The following ZIC4 variants were observed in gnomAD, a reference collection of about 807,000 sequenced individuals.
ZIC4 encodes Zic family zinc finger 4.
Under a neutral mutation model 28.8 loss-of-function variants are expected in ZIC4, and 15 were observed. The ratio of observed to expected loss-of-function variants is 0.52; its 90% confidence interval spans 0.35 to 0.80. The LOEUF is 0.80. ZIC4 is among the 30% of genes least tolerant of loss of function. The pLI is 0.01. For synonymous variants in ZIC4, 220 were observed against 198.1 expected (o/e 1.11, Z -0.93); for missense variants, 512 against 467.1 (o/e 1.10, Z -0.89).
chr3:147,403,512 A>T (rs1439860146), intron 1 of ZIC4: 2 of 156,094 alleles, frequency 1.3e-5, no homozygotes, highest in African/African-American at 4.8e-5. Flanking sequence ...AGATATACAC[A>T]TTACTCATCA....
At chr3:147,402,666 AAAAG>A in intron 2 of ZIC4, 58 bp downstream of exon 2, 20 of 1,466,016 alleles carry the variant, frequency 1.4e-5, no homozygotes, top group East Asian at 4.6e-5. Context: ...TTAAAAAAAA[AAAAG>A]AAGAAGAAGA....
At position 147,396,541 on chromosome 3, in the gene ZIC4, G is replaced by A; in HGVS notation, c.71-72C>T. ...GCGCGCTCTTCCCTGGGCCCCGGGG[G>A]GCAGGCCCAGCCCTGCCGCACTACG... On this transcript the variant is annotated intron_variant, in intron 2 of 4. Coordinates refer to ENST00000383075, the MANE Select transcript of ZIC4 (RefSeq NM_032153.6). This position sits in a 1 kb window ranked among gnomAD's most constrained non-coding sequence, Gnocchi z 4.2. The A allele has an allele frequency of 2.0e-6, 3 of 1,470,860 alleles. No individual in the cohort carries two copies. 91.1% of individuals were successfully genotyped at this position (1,470,860 alleles called of 1,614,324 possible).
rs75011808 is a variant in ZIC4 at position 147,395,964 on chromosome 3, T to A, written c.576A>T (p.Val192=). 2.7e-5 allele frequency: 43 copies of A among 1,614,246 alleles called. No homozygotes were observed. The East Asian group carries it at 9.4e-4, about 35-fold the overall frequency. Residue 192 remains valine, a synonymous_variant, in exon 3 of 5, where the codon GTA becomes GTT. Transcript: ENST00000383075. The part of the protein sequence containing the change: ...GKPFKAKYKL[V]NHIRVHTGEK... ...CGCCCGTGTGCACGCGGATGTGATT[T>A]ACAAGTTTGTATTTGGCTTTGAAGG... is the stretch of plus-strand genomic sequence containing the variant.
chr3:147,386,433 T>A lies in ZIC4; in HGVS notation c.*2426A>T, dbSNP rs1183210282. The stretch of plus-strand genomic sequence containing the variant: ...TGCAATTATTACATTTTCTCATAAA[T>A]TAGCAATATAAACAAACATATGGAG... On this transcript the variant is annotated 3_prime_UTR_variant, in exon 5 of 5. Transcript: ENST00000383075. 6.6e-6 allele frequency: 1 copy of A among 152,664 alleles called. No individual in the cohort carries two copies. Among genetic ancestry groups the A allele is most frequent in the Non-Finnish European group, 1.5e-5 (1 of 68,048 alleles). The allele number at this position is 152,664 out of a possible 1,614,324, so 9.5% of individuals were successfully genotyped here. A position where few individuals can be genotyped will look rare whatever the true frequency, so the allele number is the denominator to read the frequency against.
intron 3 of ZIC4, among the ~76,000 whole-genome samples, chr3:147,393,170 C>G (rs1013818922): frequency 6.0e-5 from 9 of 149,966 alleles, no homozygotes; most frequent in African/African-American, 2.2e-4. Context: ...AAACGCTTAT[C>G]CGATCTCGTG....
At chr3:147,405,884 C>T (rs551492245) in intron 1 of ZIC4, 4 of 219,068 alleles carry the variant, frequency 1.8e-5, no homozygotes, top group East Asian at 2.8e-4. Flanking sequence ...CCTAGCCACC[C>T]CCTTGGGGGC....
chr3:147,405,412 C>T lies in ZIC4; in HGVS notation c.-16+951G>A, dbSNP rs574018216. On this transcript the variant is annotated intron_variant, in intron 1 of 4. Coordinates refer to ENST00000383075, the MANE Select transcript of ZIC4 (RefSeq NM_032153.6). The stretch of plus-strand genomic sequence containing the variant: ...GGAGTTTCCTGAAGACGGTGACGGC[C>T]GAAGTGCAACCCTCCAAAAGCCCCT... 1,125 of 1,537,142 alleles carry T rather than the reference C, an allele frequency of 7.3e-4. 22 individuals are homozygous for T. The South Asian group carries it at 0.013, about 18-fold the overall frequency.
At position 147,396,131 on chromosome 3, in the gene ZIC4, C is replaced by G; in HGVS notation, c.409G>C (p.Gly137Arg). The change falls in exon 3 of 5, where the codon GGC (glycine) becomes CGC (arginine). Residue 137 changes from glycine to arginine, a missense_variant. Gly to Arg is a moderately radical substitution (Grantham distance 125, BLOSUM62 -2). Coordinates refer to ENST00000383075, the MANE Select transcript of ZIC4 (RefSeq NM_032153.6). The surrounding 1 kb of genome is among the most constrained non-coding windows in gnomAD (Gnocchi z 4.2). The stretch of plus-strand genomic sequence containing the variant: ...GAGCAGAGGCTCGGGGTCGCGGTGC[C>G]GTCGGCCGCCAGCCACTTGCAGATG... ...ELICKWLAAD[G>R]TATPSLCSKT... 1.2e-6 allele frequency: 2 copies of G among 1,613,004 alleles called. No individual in the cohort carries two copies. Among genetic ancestry groups the G allele is most frequent in the Non-Finnish European group, 1.7e-6 (2 of 1,179,870 alleles).
rs2086812832 is a variant in ZIC4 at position 147,387,235 on chromosome 3, C to T, written c.*1624G>A. 6.6e-6 allele frequency: 1 copy of T among 152,516 alleles called. No homozygotes were observed. Among genetic ancestry groups the T allele is most frequent in the Non-Finnish European group, 1.5e-5 (1 of 68,054 alleles). 9.4% of individuals were successfully genotyped at this position (152,516 alleles called of 1,614,324 possible). A position where few individuals can be genotyped will look rare whatever the true frequency, so the allele number is the denominator to read the frequency against. On this transcript the variant is annotated 3_prime_UTR_variant, in exon 5 of 5. Transcript: ENST00000383075. ...GTCTAGGCATTGCTTTTGTTTATCC[C>T]TTAGCAAGACTTAGACCTAAAGTTA...
At chr3:147,388,939 A>T in intron 4 of ZIC4, 80 bp from the exon 5 acceptor site, 1 of 760,334 alleles carries the variant, frequency 1.3e-6, no homozygotes, top group South Asian at 1.4e-5. Context: ...TTAGATTGAG[A>T]TAGAAAGCAA....
rs2087071985 is a variant in ZIC4, at chr3:147,397,355, G to A, written c.71-886C>T. Reference sequence around the variant, plus strand: ...CTCTCTCTCTCTCTCACACTTCCCTGCTCCAACCGCCACCCCCTCACACAC... The same window carrying A: ...CTCTCTCTCTCTCTCACACTTCCCTACTCCAACCGCCACCCCCTCACACAC... On this transcript the variant is annotated intron_variant, in intron 2 of 4. Transcript: ENST00000383075. Among the ~76,000 whole-genome samples the A allele has an allele frequency of 2.0e-5, 3 of 151,664 alleles. No homozygotes were observed. In the South Asian group the frequency reaches 6.3e-4, roughly 32 times the overall value.
At chr3:147,391,368 C>T (rs1466104533) in intron 3 of ZIC4, 122 bp from the exon 4 acceptor site, 1 of 1,294,186 alleles carries the variant, frequency 7.7e-7, no homozygotes, top group Admixed American at 2.9e-5. Context: ...TCAGAAATCC[C>T]TTTCCACGGC....
chr3:147,405,572 G>T, intron 1 of ZIC4: 2 of 1,276,220 alleles, frequency 1.6e-6, no homozygotes, highest in Non-Finnish European at 2.2e-6. Context: ...AATGCCCCTG[G>T]GTCTAGGCTA....
intron 2 of ZIC4, among the ~76,000 whole-genome samples, chr3:147,402,337 G>A (rs1027008067): frequency 8.5e-5 from 13 of 152,150 alleles, no homozygotes; most frequent in African/African-American, 2.4e-5. Context: ...TTTCATGGAA[G>A]CCAATACATG....
In ZIC4 at chr3:147,391,437, A is replaced by G. The variant is rs1048208574; in HGVS notation, c.689-191T>C. 113 of 643,248 alleles carry G rather than the reference A, an allele frequency of 1.8e-4. 1 individual carries two copies. The South Asian group carries it at 2.4e-3, about 14-fold the overall frequency. 39.8% of individuals were successfully genotyped at this position (643,248 alleles called of 1,614,324 possible). ...AGAGCGCCCCCGGTGCCCTCTCTTGAACGCCTCCATCCCTCCCGCCTTCCT... is the reference window on the plus strand; with the variant it reads ...AGAGCGCCCCCGGTGCCCTCTCTTGGACGCCTCCATCCCTCCCGCCTTCCT... On this transcript the variant is annotated intron_variant, in intron 3 of 4. Transcript: ENST00000383075.
chr3:147,397,143 C>G (rs1425151868), intron 2 of ZIC4: 1 of 152,138 alleles, frequency 6.6e-6, no homozygotes, highest in Non-Finnish European at 1.5e-5. Context: ...CGCCCACCCC[C>G]TTGGCTATTA....
chr3:147,391,699 AC>A (rs951687492), intron 3 of ZIC4: 1 of 156,460 alleles, frequency 6.4e-6, no homozygotes, highest in African/African-American at 2.4e-5. Context: ...CTCTGCCGCT[AC>A]CCCGCCCAGC....
At chr3:147,392,355 G>A (rs1338273343) in intron 3 of ZIC4, 4 of 985,558 alleles carry the variant, frequency 4.1e-6, no homozygotes, top group South Asian at 4.7e-5. Flanking sequence ...CTGTAGAGCC[G>A]AGGGAAGGCG....
intron 4 of ZIC4, chr3:147,389,338 A>G (rs2086860231): frequency 6.4e-6 from 1 of 155,354 alleles, no homozygotes; most frequent in Admixed American, 6.4e-5. Context: ...AAGAGGATAG[A>G]GCAGAAGAAA....
Sources: gnomAD v4.1 joint callset for allele counts (sites outside exome capture counted in the v4.1 genomes callset) on GRCh38, gnomAD v4.1.1 for gene constraint, Gnocchi (gnomAD v3.1) non-coding constraint, MANE v1.5 for transcripts, NCBI Gene and HGNC (gene_info 2026-07-23, HGNC 2026-07-21) for gene names.